PTPRD: variants seen among roughly 807,000 people sequenced by gnomAD.
PTPRD encodes receptor-type tyrosine-protein phosphatase delta.
PTPRD carries 34 observed loss-of-function variants against 214.5 expected under a neutral mutation model. The ratio of observed to expected loss-of-function variants is 0.16; its 90% CI spans 0.12 to 0.21. The LOEUF is 0.21. PTPRD is among the 10% of genes least tolerant of loss of function. The pLI, the probability that PTPRD is intolerant of heterozygous loss-of-function variation, is 1.00. For synonymous variants in PTPRD, 1,128 were observed against 845.7 expected (o/e 1.33, Z -5.79); for missense variants, 2,545 against 2,398.7 (o/e 1.06, Z -1.27).
chr9:10,192,764 G>A (rs973107817), intron 3 of PTPRD, among the ~76,000 whole-genome samples: 10 of 152,096 alleles, frequency 6.6e-5, no homozygotes, highest in Admixed American at 6.6e-5. Flanking sequence ...ACTTTCTATG[G>A]ATCTCAGTAG....
intron 10 of PTPRD, among the ~76,000 whole-genome samples, chr9:9,124,758 T>C (rs1351178168): frequency 6.6e-6 from 1 of 152,198 alleles, no homozygotes; most frequent in African/African-American, 2.4e-5. Flanking sequence ...TGCCAGTTTA[T>C]AAGGCTTTAT....
intron 16 of PTPRD, among the ~76,000 whole-genome samples, 157 bp from the exon 17 acceptor site, chr9:8,526,801 T>C (rs2074273586): frequency 6.6e-6 from 1 of 152,148 alleles, no homozygotes; most frequent in Non-Finnish European, 1.5e-5. Flanking sequence ...AACAGGAATA[T>C]ATTAGATAGT....
intron 2 of PTPRD, among the ~76,000 whole-genome samples, chr9:10,428,873 T>A (rs1588008976): frequency 1.3e-5 from 2 of 152,104 alleles, no homozygotes; most frequent in South Asian, 2.1e-4. Context: ...TAACAGCATA[T>A]AAGCTGGAGT....
intron 4 of PTPRD, among the ~76,000 whole-genome samples, chr9:9,952,852 T>G (rs2093578942): frequency 6.6e-6 from 1 of 152,178 alleles, no homozygotes; most frequent in Non-Finnish European, 1.5e-5. Context: ...ACAGTGTTTC[T>G]GATCTGTTCA....
At chr9:10,286,431 G>C (rs1260848243) in intron 3 of PTPRD, among the ~76,000 whole-genome samples, 3 of 151,732 alleles carry the variant, frequency 2.0e-5, no homozygotes, top group East Asian at 1.9e-4. Flanking sequence ...GACAGAGTGA[G>C]ACCTCATTAG....
chr9:10,560,482 G>A (rs542530693), intron 2 of PTPRD, among the ~76,000 whole-genome samples: 117 of 152,016 alleles, frequency 7.7e-4, no homozygotes, highest in African/African-American at 2.3e-3. Context: ...TGGGTGCAGC[G>A]CACCAGCATG....
At chr9:9,226,122 A>G (rs538937780) in intron 9 of PTPRD, among the ~76,000 whole-genome samples, 4 of 152,046 alleles carry the variant, frequency 2.6e-5, no homozygotes, top group African/African-American at 9.6e-5. Context: ...TTTGCACTTA[A>G]AAGGCTGCTT....
At chr9:9,642,342 C>G (rs1386330214) in intron 7 of PTPRD, among the ~76,000 whole-genome samples, 2 of 149,488 alleles carry the variant, frequency 1.3e-5, no homozygotes, top group East Asian at 4.0e-4. Context: ...GTGCAGCGCA[C>G]CAGCATGGCA....
Position 8,445,242 on chromosome 9 carries a change from G to A in PTPRD, c.3988+4483C>T, listed in dbSNP as rs554420082. 3.9e-5 allele frequency among the ~76,000 whole-genome samples: 6 copies of A among 152,142 alleles called. No homozygotes were observed. In the South Asian group the frequency reaches 1.2e-3, roughly 32 times the overall value. ...TGCCTTTTTCACACTAATTCTGGCT[G>A]ACCTTGTACACTAATAATGATTTAT... On this transcript the variant is annotated intron_variant, in intron 34 of 45. Coordinates refer to ENST00000381196, the MANE Select transcript of PTPRD (RefSeq NM_002839.4).
chr9:9,436,354 A>G (rs913690043), intron 8 of PTPRD, among the ~76,000 whole-genome samples: 1 of 152,038 alleles, frequency 6.6e-6, no homozygotes, highest in African/African-American at 2.4e-5. Context: ...ACCTGCACAT[A>G]AGGCCCTTCT....
chr9:10,371,820 T>C (rs973070532), intron 2 of PTPRD, among the ~76,000 whole-genome samples: 1 of 152,146 alleles, frequency 6.6e-6, no homozygotes, highest in South Asian at 2.1e-4. Context: ...TGGGAGCATA[T>C]GGTGTATGTC....
Position 9,961,564 on chromosome 9 carries a change from T to C in PTPRD, c.-471-22954A>G, listed in dbSNP as rs148278013. Among the ~76,000 whole-genome samples, 359 of 152,276 alleles carry C rather than the reference T, an allele frequency of 2.4e-3. 4 individuals carry two copies. Among genetic ancestry groups the C allele is most frequent in the Middle Eastern group, 0.01 (3 of 294 alleles). Reference sequence around the variant, plus strand: ...ATATAGCAATTGGTGTGCTTCATTTTGGAGGTTAAATACTGAATAAAGTAT... The same window carrying C: ...ATATAGCAATTGGTGTGCTTCATTTCGGAGGTTAAATACTGAATAAAGTAT... On this transcript the variant is annotated intron_variant, in intron 4 of 45. Transcript: ENST00000381196.
At chr9:8,732,357 C>G (rs1284495433) in intron 12 of PTPRD, among the ~76,000 whole-genome samples, 1 of 152,120 alleles carries the variant, frequency 6.6e-6, no homozygotes, top group Admixed American at 6.5e-5. Context: ...CTCCCAGGGT[C>G]TAAATGGGCT....
intron 9 of PTPRD, among the ~76,000 whole-genome samples, chr9:9,361,865 G>A (rs1401519929): frequency 6.6e-6 from 1 of 150,988 alleles, no homozygotes; most frequent in Non-Finnish European, 1.5e-5. Context: ...TACCATGAAT[G>A]AGAAAACTTC....
At chr9:9,767,384 C>T (rs1490599045) in intron 5 of PTPRD, among the ~76,000 whole-genome samples, 3 of 151,826 alleles carry the variant, frequency 2.0e-5, no homozygotes, top group Non-Finnish European at 4.4e-5. Flanking sequence ...AATGAAGGCA[C>T]AGATAATAGA....
intron 10 of PTPRD, among the ~76,000 whole-genome samples, chr9:9,051,991 T>A (rs1192215476): frequency 6.6e-6 from 1 of 152,182 alleles, no homozygotes; most frequent in Non-Finnish European, 1.5e-5. Flanking sequence ...TCCATCTGGA[T>A]TGCTATAACA....
intron 10 of PTPRD, among the ~76,000 whole-genome samples, chr9:9,039,599 T>C (rs1261952952): frequency 6.6e-6 from 1 of 152,218 alleles, no homozygotes; most frequent in African/African-American, 2.4e-5. Flanking sequence ...ACAGTTGTAA[T>C]AGAAACTGCC....
At position 9,008,471 on chromosome 9, in the gene PTPRD, C is replaced by T. The variant is rs549332166; in HGVS notation, c.-104+10226G>A. On this transcript the variant is annotated intron_variant, in intron 11 of 45. Transcript: ENST00000381196. ...CTCATCTCCTGACCTTGTGATCCACCCGTCTCGGCCTCCCAAAGTCCTGGG... is the reference window on the plus strand; with the variant it reads ...CTCATCTCCTGACCTTGTGATCCACTCGTCTCGGCCTCCCAAAGTCCTGGG... 1.1e-4 allele frequency among the ~76,000 whole-genome samples: 16 copies of T among 152,030 alleles called. 1 individual carries two copies. The highest frequency in any genetic ancestry group is 3.6e-4 in the African/African-American group (15 of 41,484).
At chr9:9,167,507 T>C (rs575704875) in intron 10 of PTPRD, among the ~76,000 whole-genome samples, 19 of 152,112 alleles carry the variant, frequency 1.2e-4, no homozygotes, top group African/African-American at 4.6e-4. Flanking sequence ...GTAATCTTAG[T>C]ACTTTGGGAG....
Sources: gnomAD v4.1 joint callset for allele counts (sites outside exome capture counted in the v4.1 genomes callset) on GRCh38, gnomAD v4.1.1 for gene constraint, MANE v1.5 for transcripts, NCBI Gene and HGNC (gene_info 2026-07-23, HGNC 2026-07-21) for gene names.